The following WDR35 variants were observed in gnomAD, a reference collection of about 807,000 sequenced individuals.
WDR35 encodes WD repeat domain 35, also known as WD repeat-containing protein 35.
In WDR35, 118 loss-of-function variants were observed where a neutral mutation model predicts 158.3. The ratio of observed to expected loss-of-function variants is 0.75; its 90% CI spans 0.64 to 0.87. WDR35 has a LOEUF of 0.87. Ranked by LOEUF, WDR35 falls within the 40% of genes least tolerant of loss-of-function variation. The pLI is 0.00. For synonymous variants in WDR35, 448 were observed against 476.1 expected (o/e 0.94, Z 0.77); for missense variants, 1,263 against 1,405.8 (o/e 0.90, Z 1.62).
chr2:19,986,038 T>C (rs967645820), intron 2 of WDR35, among the ~76,000 whole-genome samples: 22 of 151,468 alleles, frequency 1.5e-4, no homozygotes, highest in African/African-American at 5.1e-4. Flanking sequence ...GCTGGAGCTA[T>C]AGAGGGAGCA....
chr2:19,972,872 T>C (rs180992342), intron 8 of WDR35, among the ~76,000 whole-genome samples: 65 of 152,170 alleles, frequency 4.3e-4, no homozygotes, highest in African/African-American at 1.5e-3. Context: ...TCAAAAAACG[T>C]ATTAAGCTTA....
At chr2:19,986,175 G>A (rs917714779) in intron 2 of WDR35, among the ~76,000 whole-genome samples, 3 of 152,200 alleles carry the variant, frequency 2.0e-5, no homozygotes, top group Non-Finnish European at 2.9e-5. Context: ...GTGAAATGGA[G>A]ATATTTGCTG....
intron 25 of WDR35, among the ~76,000 whole-genome samples, chr2:19,928,087 A>G (rs1426711571): frequency 1.3e-5 from 2 of 152,236 alleles, no homozygotes; most frequent in Non-Finnish European, 2.9e-5. Context: ...TGACAGGTTC[A>G]TGATGGCCAT....
chr2:19,946,444 A>G lies in WDR35; in HGVS notation c.1634+17T>C, dbSNP rs1464901929. On this transcript the variant is annotated intron_variant, in intron 15 of 26. Transcript: ENST00000281405. Reference sequence around the variant, plus strand: ...TTCTAAGTCTAACATCTACATGAGCAGAGTTTTCAGGCTTACCTAGAGTTG... The same window carrying G: ...TTCTAAGTCTAACATCTACATGAGCGGAGTTTTCAGGCTTACCTAGAGTTG... 5 of 1,594,952 alleles carry G rather than the reference A, an allele frequency of 3.1e-6. No individual in the cohort carries two copies. Among genetic ancestry groups the G allele is most frequent in the Non-Finnish European group, 4.3e-6 (5 of 1,162,912 alleles).
In WDR35 at chr2:19,941,809, T is replaced by C. The variant is rs1670886262; in HGVS notation, c.1876A>G (p.Asn626Asp). Residue 626 changes from asparagine to aspartate, a missense_variant, in exon 17 of 27, where the codon AAT (asparagine) becomes GAT (aspartate). Transcript: ENST00000281405. ...GATTTAATTTCTAAATCCTCAAAAT[T>C]ACAAATATATCCAGAGGTCTGAATG... is the stretch of plus-strand genomic sequence containing the variant. The part of the protein sequence containing the change: ...EPIQTSGYIC[N>D]FEDLEIKSVL... 6.4e-7 allele frequency: 1 copy of C among 1,574,608 alleles called. No individual in the cohort carries two copies. The highest frequency in any genetic ancestry group is 1.1e-5 in the South Asian group (1 of 88,068).
chr2:19,957,343 A>G (rs1671478240), intron 11 of WDR35, among the ~76,000 whole-genome samples: 1 of 152,196 alleles, frequency 6.6e-6, no homozygotes, highest in Non-Finnish European at 1.5e-5. Flanking sequence ...CAGCAAATTC[A>G]TATGGGTAGA....
chr2:19,945,813 C>G lies in WDR35; in HGVS notation c.1818G>C (p.Met606Ile), dbSNP rs1193113161. 6.2e-7 allele frequency: 1 copy of G among 1,613,828 alleles called. No homozygotes were observed. The highest frequency in any genetic ancestry group is 1.7e-5 in the Admixed American group (1 of 59,998). The change falls in exon 16 of 27, where the codon ATG (methionine) becomes ATC (isoleucine). Residue 606 changes from methionine (M) to isoleucine (I), a missense_variant. Transcript: ENST00000281405. The stretch of plus-strand genomic sequence containing the variant: ...CAGGATCCAAGTTTCTGAAAACATA[C>G]ATTCTTGTCTTCTCCATCATTGCAA... The part of the protein sequence containing the change: ...DLFAMMEKTR[M>I]YVFRNLDPEE...
At chr2:19,977,392 T>C (rs1218606976) in intron 5 of WDR35, among the ~76,000 whole-genome samples, 1 of 152,218 alleles carries the variant, frequency 6.6e-6, no homozygotes, top group Non-Finnish European at 1.5e-5. Context: ...TGAAAGGCAT[T>C]ACCATCCATC....
intron 25 of WDR35, among the ~76,000 whole-genome samples, chr2:19,915,854 G>T (rs1290379484): frequency 6.6e-6 from 1 of 151,410 alleles, no homozygotes; most frequent in African/African-American, 2.4e-5. Context: ...TGACCTCGTG[G>T]AGCGTGCAGT....
intron 11 of WDR35, 51 bp from the exon 12 acceptor site, chr2:19,954,029 G>T: frequency 6.2e-7 from 1 of 1,605,566 alleles, no homozygotes. Flanking sequence ...ATTGCAGAAT[G>T]CTTGTGCTGC....
chr2:19,981,811 A>G (rs139585225), intron 3 of WDR35, among the ~76,000 whole-genome samples: 9 of 152,226 alleles, frequency 5.9e-5, no homozygotes, highest in African/African-American at 2.2e-4. Context: ...TAGCCACTAC[A>G]CCCAGTCTCT....
chr2:19,950,960 T>C (rs1572341435), intron 13 of WDR35, among the ~76,000 whole-genome samples: 1 of 152,336 alleles, frequency 6.6e-6, no homozygotes, highest in East Asian at 1.9e-4. Flanking sequence ...GAGAAAATCA[T>C]TTCAAAAACT....
At chr2:19,933,635 T>C in intron 21 of WDR35, 124 bp from the exon 22 acceptor site, 3 of 807,328 alleles carry the variant, frequency 3.7e-6, no homozygotes, top group Admixed American at 2.1e-5. Flanking sequence ...ATTTTTCTTG[T>C]AAACAGACGC....
intron 14 of WDR35, 28 bp from the exon 15 acceptor site, chr2:19,946,598 G>A: frequency 6.4e-7 from 1 of 1,572,156 alleles, no homozygotes; most frequent in Non-Finnish European, 8.8e-7. Flanking sequence ...GATTACTTAA[G>A]CATACGTGTA....
Position 19,989,982 on chromosome 2 carries a change from G to A in WDR35, c.24+10C>T, listed in dbSNP as rs573678392. The A allele has an allele frequency of 6.2e-6, 10 of 1,613,876 alleles. No homozygotes were observed. The African/African-American group carries it at 1.3e-4, about 22-fold the overall frequency. ...GGCGGAGAAACGAGGACGCCCCCCAGGAAACTCACTTTCTTGCTCAGGTAG... is the reference window on the plus strand; with the variant it reads ...GGCGGAGAAACGAGGACGCCCCCCAAGAAACTCACTTTCTTGCTCAGGTAG... On this transcript the variant is annotated intron_variant, in intron 1 of 26. Transcript: ENST00000281405.
Position 19,932,466 on chromosome 2 carries a change from C to T in WDR35, c.2659-19G>A, listed in dbSNP as rs749563049. 2.8e-5 allele frequency: 45 copies of T among 1,612,730 alleles called. No individual in the cohort carries two copies. The East Asian group carries it at 8.1e-4, about 29-fold the overall frequency. ...TGTTCCACTAGGAGAAAAATTACAC[C>T]ATTCAGTCACCCAAGTATTTACAGT... On this transcript the variant is annotated intron_variant, in intron 22 of 26. Coordinates refer to ENST00000281405, the MANE Select transcript of WDR35 (RefSeq NM_020779.4).
At chr2:19,970,252 T>C (rs962887229) in intron 8 of WDR35, among the ~76,000 whole-genome samples, 11 of 152,198 alleles carry the variant, frequency 7.2e-5, no homozygotes, top group Admixed American at 4.6e-4. Context: ...ATTTTAAAGT[T>C]GTAAAAAATT....
At chr2:19,968,932 C>CT (rs1441706933) in intron 9 of WDR35, among the ~76,000 whole-genome samples, 1 of 152,250 alleles carries the variant, frequency 6.6e-6, no homozygotes, top group African/African-American at 2.4e-5. Flanking sequence ...GTCACCTGGG[C>CT]TACCTGGCCA....
intron 4 of WDR35, among the ~76,000 whole-genome samples, chr2:19,980,379 TA>T (rs1672347054): frequency 6.6e-6 from 1 of 151,958 alleles, no homozygotes; most frequent in African/African-American, 2.4e-5. Flanking sequence ...TACCTAGAAG[TA>T]ATTCTTATTG....
Sources: gnomAD v4.1 joint callset for allele counts (sites outside exome capture counted in the v4.1 genomes callset) on GRCh38, gnomAD v4.1.1 for gene constraint, MANE v1.5 for transcripts, NCBI Gene and HGNC (gene_info 2026-07-23, HGNC 2026-07-21) for gene names.